Variants in CPNE8 observed in about 807,000 individuals in gnomAD.
The protein encoded by CPNE8 is copine-8.
CPNE8 carries 45 observed loss-of-function variants against 81.5 expected under a neutral mutation model. The observed-to-expected ratio is 0.55, with a 90% CI of 0.44 to 0.71. CPNE8 has a LOEUF of 0.71. Ranked by LOEUF, CPNE8 falls within the 30% of genes least tolerant of loss-of-function variation. The pLI is 0.00. For synonymous variants in CPNE8, 252 were observed against 226.3 expected, an observed-to-expected ratio of 1.11 and a Z score of -1.02; for missense variants, 594 against 672.1, an observed-to-expected ratio of 0.88 and a Z score of 1.28.
chr12:38,685,583 A>G lies in CPNE8; in HGVS notation c.1178T>C (p.Ile393Thr). ...GTAATAAGCCTCCATGACCCCCTCA[A>G]TGCCATCACAGTAGGGGTTTTGAGG... Reference protein sequence around the residue: ...GNPQNPYCDGIEGVMEAYYRS... With the variant: ...GNPQNPYCDGTEGVMEAYYRS... Residue 393 changes from isoleucine to threonine, a missense_variant, in exon 16 of 20, where the codon ATT becomes ACT. Transcript: ENST00000331366. 6.2e-7 allele frequency: 1 copy of G among 1,613,538 alleles called. No homozygotes were observed. Among genetic ancestry groups the G allele is most frequent in the African/African-American group, 1.3e-5 (1 of 74,996 alleles).
At chr12:38,887,591 T>A (rs1238493389) in intron 1 of CPNE8, among the ~76,000 whole-genome samples, 3 of 152,168 alleles carry the variant, frequency 2.0e-5, no homozygotes, top group Admixed American at 2.0e-4. Flanking sequence ...TTCCAAATAT[T>A]TCAGTTGAAT....
chr12:38,834,390 C>T (rs1427990738), intron 5 of CPNE8, among the ~76,000 whole-genome samples: 2 of 152,122 alleles, frequency 1.3e-5, no homozygotes, highest in African/African-American at 4.8e-5. Flanking sequence ...CTCCTTCTCC[C>T]CAATGTACCT....
chr12:38,664,921 G>T (rs1939033653), intron 19 of CPNE8, among the ~76,000 whole-genome samples: 1 of 152,008 alleles, frequency 6.6e-6, no homozygotes. Flanking sequence ...TCAAACAGGA[G>T]TATCCTTCAT....
chr12:38,674,019 G>C (rs1939235353), intron 18 of CPNE8, among the ~76,000 whole-genome samples: 1 of 152,088 alleles, frequency 6.6e-6, no homozygotes, highest in Non-Finnish European at 1.5e-5. Context: ...AAAGCTGATA[G>C]AGTGATCCGA....
chr12:38,662,981 A>T (rs1002787117), intron 19 of CPNE8, among the ~76,000 whole-genome samples: 1 of 152,160 alleles, frequency 6.6e-6, no homozygotes, highest in Non-Finnish European at 1.5e-5. Context: ...CCATAAAAAA[A>T]ATCAACTCAA....
At chr12:38,868,732 A>T (rs1002201581) in intron 3 of CPNE8, among the ~76,000 whole-genome samples, 6 of 152,156 alleles carry the variant, frequency 3.9e-5, no homozygotes, top group African/African-American at 1.4e-4. Flanking sequence ...TTTGCTTAAA[A>T]TTTTTTGTTT....
chr12:38,760,496 C>T (rs1481948341), intron 10 of CPNE8, among the ~76,000 whole-genome samples: 2 of 144,002 alleles, frequency 1.4e-5, no homozygotes, highest in Admixed American at 7.0e-5. Context: ...GCAAAGCTTA[C>T]TTGTGTTCCC....
chr12:38,681,076 A>C (rs1203179754), intron 16 of CPNE8, among the ~76,000 whole-genome samples: 1 of 152,060 alleles, frequency 6.6e-6, no homozygotes, highest in African/African-American at 2.4e-5. Context: ...AAATTTTCAT[A>C]ATAGTCTGAA....
chr12:38,886,381 A>G (rs1350523368), intron 1 of CPNE8, among the ~76,000 whole-genome samples: 2 of 152,250 alleles, frequency 1.3e-5, no homozygotes, highest in African/African-American at 4.8e-5. Context: ...AACCCAGCAT[A>G]TAGTAAATAT....
At chr12:38,860,158 A>G (rs1385057436) in intron 3 of CPNE8, among the ~76,000 whole-genome samples, 2 of 152,034 alleles carry the variant, frequency 1.3e-5, no homozygotes, top group African/African-American at 4.8e-5. Context: ...CTGATGAGGG[A>G]TTAACAACCA....
intron 13 of CPNE8, among the ~76,000 whole-genome samples, chr12:38,704,059 T>G (rs1425693971): frequency 6.6e-6 from 1 of 152,018 alleles, no homozygotes; most frequent in Non-Finnish European, 1.5e-5. Flanking sequence ...TGGGTACTCA[T>G]GGACATAAAG....
Position 38,839,951 on chromosome 12 carries a change from C to A in CPNE8, c.295G>T (p.Asp99Tyr), listed in dbSNP as rs1157502059. 1.3e-6 allele frequency: 2 copies of A among 1,580,366 alleles called. No homozygotes were observed. The highest frequency in any genetic ancestry group is 2.7e-5 in the African/African-American group (2 of 74,066). ...AAGTTGGGGCTCTTTGAATCAACAT[C>A]ATACCTAAAAGATTGAAATATAAAA... ...ERENLRFDLYDVDSKSPNLSK... is the reference protein window; with the variant it reads ...ERENLRFDLYYVDSKSPNLSK... Residue 99 changes from aspartate to tyrosine, a missense_variant, in exon 5 of 20, where the codon GAT becomes TAT. Asp to Tyr is a radical substitution (Grantham distance 160). Coordinates refer to ENST00000331366, the MANE Select transcript of CPNE8 (RefSeq NM_153634.3).
In CPNE8 at chr12:38,767,690, A is replaced by G. The variant is rs377032541; in HGVS notation, c.520T>C (p.Phe174Leu). The G allele has an allele frequency of 6.4e-7, 1 of 1,562,988 alleles. No individual in the cohort carries two copies. Among genetic ancestry groups the G allele is most frequent in the Non-Finnish European group, 8.6e-7 (1 of 1,161,492 alleles). ...AGGAAAGGATCTGATTTTCCAAAGA[A>G]GTCCTTCTTGTCCAATTTGTTCGCA... ...FCANKLDKKDFFGKSDPFLVF... is the reference protein window; with the variant it reads ...FCANKLDKKDLFGKSDPFLVF... The change falls in exon 8 of 20, where the codon TTC becomes CTC. Residue 174 changes from phenylalanine (F) to leucine (L), a missense_variant. Phe to Leu is a conservative substitution (Grantham distance 22, BLOSUM62 0). Transcript: ENST00000331366.
At chr12:38,828,502 A>C (rs1943235301) in intron 6 of CPNE8, among the ~76,000 whole-genome samples, 1 of 152,198 alleles carries the variant, frequency 6.6e-6, no homozygotes, top group Non-Finnish European at 1.5e-5. Context: ...ACACTAAATA[A>C]AAAGTTTAAT....
chr12:38,771,201 G>A (rs535215735), intron 7 of CPNE8, among the ~76,000 whole-genome samples: 1 of 151,948 alleles, frequency 6.6e-6, no homozygotes, highest in South Asian at 2.1e-4. Flanking sequence ...GCTCATGACT[G>A]TAACCCCAGC....
intron 14 of CPNE8, among the ~76,000 whole-genome samples, chr12:38,702,537 G>A (rs1029634828): frequency 2.6e-5 from 4 of 152,072 alleles, no homozygotes; most frequent in Non-Finnish European, 5.9e-5. Context: ...TATAGTTATA[G>A]ATGGAAAAGA....
At chr12:38,853,459 C>T (rs1943680139) in intron 3 of CPNE8, among the ~76,000 whole-genome samples, 1 of 151,744 alleles carries the variant, frequency 6.6e-6, no homozygotes, top group African/African-American at 2.4e-5. Flanking sequence ...TGTACATGTA[C>T]AAATATGCGG....
chr12:38,875,621 C>T (rs2137111420), intron 1 of CPNE8, among the ~76,000 whole-genome samples: 1 of 152,222 alleles, frequency 6.6e-6, no homozygotes, highest in Admixed American at 6.5e-5. Context: ...TTTCTTATTT[C>T]AGGTTCTCAA....
chr12:38,682,164 G>T (rs1939424200), intron 16 of CPNE8, among the ~76,000 whole-genome samples: 1 of 152,182 alleles, frequency 6.6e-6, no homozygotes, highest in Admixed American at 6.5e-5. Context: ...AGTTTGCAAT[G>T]AGCTGACATC....
Sources: allele counts gnomAD v4.1 joint callset (sites outside exome capture counted in the v4.1 genomes callset), GRCh38; gene constraint gnomAD v4.1.1; transcripts MANE v1.5; gene names NCBI Gene and HGNC (gene_info 2026-07-23, HGNC 2026-07-21).